POLR3A: variants seen among roughly 807,000 people sequenced by gnomAD.
POLR3A encodes DNA-directed RNA polymerase III subunit RPC1.
In POLR3A, 112 loss-of-function variants were observed where a neutral mutation model predicts 152.8. The observed-to-expected ratio is 0.73, with a 90% CI of 0.63 to 0.86. POLR3A has a LOEUF of 0.86. Among genes scored for constraint, POLR3A ranks in the 40% least tolerant of loss-of-function variants. The pLI, the probability that POLR3A is intolerant of heterozygous loss-of-function variation, is 0.00. For synonymous variants in POLR3A, 615 were observed against 652.1 expected, an observed-to-expected ratio of 0.94 and a Z score of 0.87; for missense variants, 1,385 against 1,743.1, an observed-to-expected ratio of 0.79 and a Z score of 3.66.
In POLR3A at chr10:78,001,108, C is replaced by G. The variant is rs200708794; in HGVS notation, c.2360-14G>C. 2.2e-6 allele frequency: 3 copies of G among 1,364,182 alleles called. No individual in the cohort carries two copies. The African/African-American group carries it at 4.3e-5, about 19-fold the overall frequency. The allele number at this position is 1,364,182 out of a possible 1,614,324, so 84.5% of individuals were successfully genotyped here. A position where few individuals can be genotyped will look rare whatever the true frequency, so the allele number is the denominator to read the frequency against. On this transcript the variant is annotated splice_polypyrimidine_tract_variant and intron_variant, in intron 17 of 30. Transcript: ENST00000372371. ...TAATGAAGGAACCTGGGGACATGGA[C>G]CAGAAATGTAACATTCATTTACCAA...
chr10:77,991,085 T>C lies in POLR3A; in HGVS notation c.2870A>G (p.Glu957Gly). The C allele has an allele frequency of 6.2e-7, 1 of 1,612,376 alleles. No individual in the cohort carries two copies. The highest frequency in any genetic ancestry group is 1.1e-5 in the South Asian group (1 of 91,034). ...GAAGCTGTCCTGGCAGCAGAGGAACTCACTCTTCTTCATGATGGACTCTGT... is the reference window on the plus strand; with the variant it reads ...GAAGCTGTCCTGGCAGCAGAGGAACCCACTCTTCTTCATGATGGACTCTGT... ...LTTESIMKKS[E>G]FLCCQDSFLQ... The change falls in exon 21 of 31, where the codon GAG becomes GGG. Residue 957 changes from glutamate to glycine, a missense_variant. Coordinates refer to ENST00000372371, the MANE Select transcript of POLR3A (RefSeq NM_007055.4).
chr10:78,025,804 G>T, intron 2 of POLR3A, 45 bp from the exon 3 acceptor site: 1 of 1,586,712 alleles, frequency 6.3e-7, no homozygotes, highest in Non-Finnish European at 8.7e-7. Context: ...ACTGCTGGAC[G>T]GGAAAGAGTG....
intron 14 of POLR3A, among the ~76,000 whole-genome samples, chr10:78,008,710 C>G (rs1847434197): frequency 6.6e-6 from 1 of 152,120 alleles, no homozygotes; most frequent in South Asian, 2.1e-4. Flanking sequence ...AGATGACTTG[C>G]ATGTAAATCC....
intron 19 of POLR3A, among the ~76,000 whole-genome samples, chr10:77,994,232 G>A (rs1847275782): frequency 6.6e-6 from 1 of 152,132 alleles, no homozygotes; most frequent in Non-Finnish European, 1.5e-5. Context: ...ACGATTAAAG[G>A]TATCAGATGA....
In POLR3A at chr10:78,025,634, T is replaced by C. The variant is rs1236644878; in HGVS notation, c.306A>G (p.Ile102Met). Residue 102 changes from isoleucine to methionine, a missense_variant, in exon 3 of 31, where the codon ATA becomes ATG. This residue lies in a region of POLR3A where 493 missense variants were observed against 647.5 expected (regional missense o/e 0.76). Coordinates refer to ENST00000372371, the MANE Select transcript of POLR3A (RefSeq NM_007055.4). ...CCTGTGTGCTTACCTGTAAGATGCCTATGACTGCTCTGAAGTACCCTACAT... is the reference window on the plus strand; with the variant it reads ...CCTGTGTGCTTACCTGTAAGATGCCCATGACTGCTCTGAAGTACCCTACAT... ...CFHVGYFRAV[I>M]GILQMICKTC... The C allele has an allele frequency of 6.2e-7, 1 of 1,614,074 alleles. No homozygotes were observed. The highest frequency in any genetic ancestry group is 1.3e-5 in the African/African-American group (1 of 74,940).
rs377429068 is a variant in POLR3A, at chr10:78,011,407, C to G, written c.1573-867G>C. Among the ~76,000 whole-genome samples, 39 of 152,158 alleles carry G rather than the reference C, an allele frequency of 2.6e-4. 1 individual carries two copies. The East Asian group carries it at 3.5e-3, about 13-fold the overall frequency. ...ATAATTAAGTCATGTAAAGAAGGCT[C>G]TGTGTGTATGAGAGTACATTTGCTC... On this transcript the variant is annotated intron_variant, in intron 11 of 30. Transcript: ENST00000372371.
chr10:78,000,814 G>C (rs1237823882), intron 18 of POLR3A, among the ~76,000 whole-genome samples, 162 bp downstream of exon 18: 1 of 152,196 alleles, frequency 6.6e-6, no homozygotes, highest in Non-Finnish European at 1.5e-5. Context: ...ATGAGACACT[G>C]TGCCCGGCCT....
At chr10:77,992,536 T>C (rs1847259982) in intron 20 of POLR3A, among the ~76,000 whole-genome samples, 2 of 147,920 alleles carry the variant, frequency 1.4e-5, no homozygotes, top group Non-Finnish European at 3.0e-5. Context: ...TCCAACTCCC[T>C]GGTTCAAGTG....
At chr10:78,019,048 T>C (rs1275918171) in intron 9 of POLR3A, 114 bp downstream of exon 9, 6 of 796,306 alleles carry the variant, frequency 7.5e-6, no homozygotes, top group African/African-American at 3.4e-5. Context: ...ATTTTCCACA[T>C]GCCAAAATGT....
chr10:77,992,488 G>C (rs1238554027), intron 20 of POLR3A, among the ~76,000 whole-genome samples: 2 of 135,312 alleles, frequency 1.5e-5, no homozygotes, highest in African/African-American at 2.9e-5. Context: ...CTGTTGCCAG[G>C]TTGGAGTGCA....
In POLR3A at chr10:77,980,285, G is replaced by A. The variant is rs747647463; in HGVS notation, c.3892-12C>T. ...CCCAGGACTTCACCCTGCGTCAAGGGAGAAAGAGTCACGGTGGTACTCACA... is the reference window on the plus strand; with the variant it reads ...CCCAGGACTTCACCCTGCGTCAAGGAAGAAAGAGTCACGGTGGTACTCACA... On this transcript the variant is annotated splice_polypyrimidine_tract_variant and intron_variant, in intron 29 of 30. Transcript: ENST00000372371. 1.9e-6 allele frequency: 3 copies of A among 1,613,960 alleles called. No individual in the cohort carries two copies. The highest frequency in any genetic ancestry group is 2.2e-5 in the East Asian group (1 of 44,868).
At chr10:77,990,315 C>T (rs970748654) in intron 21 of POLR3A, among the ~76,000 whole-genome samples, 13 of 152,040 alleles carry the variant, frequency 8.6e-5, no homozygotes, top group African/African-American at 3.1e-4. Context: ...ATCCACAATA[C>T]AGCAAAAGAA....
At chr10:78,005,887 G>C (rs1638296054) in intron 15 of POLR3A, among the ~76,000 whole-genome samples, 1 of 152,186 alleles carries the variant, frequency 6.6e-6, no homozygotes, top group Non-Finnish European at 1.5e-5. Context: ...CAACCAGTCA[G>C]CTCCATTTCC....
chr10:77,981,800 G>A (rs1220015487), intron 28 of POLR3A, among the ~76,000 whole-genome samples: 6 of 149,532 alleles, frequency 4.0e-5, no homozygotes, highest in African/African-American at 7.4e-5. Context: ...CGAGGCGGGC[G>A]GATCATGAGG....
At position 78,022,123 on chromosome 10, in the gene POLR3A, C is replaced by A. The variant is rs761268939; in HGVS notation, c.885+22G>T. On this transcript the variant is annotated intron_variant, in intron 6 of 30. Coordinates refer to ENST00000372371, the MANE Select transcript of POLR3A (RefSeq NM_007055.4). ...TTGGATAGATATACTATGAAACTTA[C>A]AAGGAAATGGGAGGCACTGACCTTT... 3.1e-6 allele frequency: 5 copies of A among 1,614,136 alleles called. No homozygotes were observed. The South Asian group carries it at 4.4e-5, about 14-fold the overall frequency.
Position 77,982,826 on chromosome 10 carries a change from T to A in POLR3A, c.3430-9A>T. ...ACTGTCTCAGCGTTCACCTGCAACA[T>A]GGCCAGGTGTAGGTGTTACTGATTC... On this transcript the variant is annotated splice_polypyrimidine_tract_variant and intron_variant, in intron 26 of 30. Transcript: ENST00000372371. 6.2e-7 allele frequency: 1 copy of A among 1,612,668 alleles called. No homozygotes were observed. Among genetic ancestry groups the A allele is most frequent in the Non-Finnish European group, 8.5e-7 (1 of 1,178,702 alleles).
At position 78,009,626 on chromosome 10, in the gene POLR3A, G is replaced by A. The variant is rs769684068; in HGVS notation, c.1820C>T (p.Pro607Leu). 1 of 1,614,180 alleles carries A rather than the reference G, an allele frequency of 6.2e-7. No homozygotes were observed. ...GKQIFSVILR[P>L]SDDNPVRANL... ...GGCCCTCACTGGATTGTCATCGCTA[G>A]GCCTGAGGATGACACTGAAGATCTG... The change falls in exon 14 of 31, where the codon CCT becomes CTT. Residue 607 changes from proline (P) to leucine (L), a missense_variant. By Grantham distance (98) the Pro-to-Leu change is moderately conservative (BLOSUM62 -3). Around this residue, in one of 7 missense-constraint regions of POLR3A, gnomAD observed 188 missense variants for 179.9 expected, o/e 1.04. Transcript: ENST00000372371.
chr10:78,000,115 G>A lies in POLR3A; in HGVS notation c.2482C>T (p.Pro828Ser). The A allele has an allele frequency of 6.2e-7, 1 of 1,614,088 alleles. No homozygotes were observed. The highest frequency in any genetic ancestry group is 8.5e-7 in the Non-Finnish European group (1 of 1,179,998). Residue 828 changes from proline to serine, a missense_variant, in exon 19 of 31, where the codon CCA becomes TCA. Pro to Ser is a moderately conservative substitution (Grantham distance 74). Transcript: ENST00000372371. ...LPHFEKHSKL[P>S]AAKGFVANSF... ...TTAGCCACAAAGCCTTTGGCAGCTG[G>A]GAGCTAAAGAGAGGTAGAAAAAAGA...
intron 12 of POLR3A, among the ~76,000 whole-genome samples, 180 bp from the exon 13 acceptor site, chr10:78,010,171 T>C (rs1847452859): frequency 6.6e-6 from 1 of 152,132 alleles, no homozygotes; most frequent in African/African-American, 2.4e-5. Context: ...CTTTGTTTTG[T>C]TCACTGCTGT....
Sources: allele counts gnomAD v4.1 joint callset (sites outside exome capture counted in the v4.1 genomes callset), GRCh38; gene constraint gnomAD v4.1.1; regional missense constraint gnomAD v4.1.1; transcripts MANE v1.5; gene names NCBI Gene and HGNC (gene_info 2026-07-23, HGNC 2026-07-21).